RBFOX1: variants seen among roughly 807,000 people sequenced by gnomAD.
The protein encoded by RBFOX1 is RNA binding protein fox-1 homolog 1.
RBFOX1 carries 8 observed loss-of-function variants against 57.7 expected under a neutral mutation model. The observed-to-expected ratio is 0.14, with a 90% CI of 0.08 to 0.25. The LOEUF (loss-of-function observed/expected upper bound fraction) is 0.25, where lower values mean the gene tolerates loss of function less well. Among genes scored for constraint, RBFOX1 ranks in the 10% least tolerant of loss-of-function variants. The pLI, the probability that RBFOX1 is intolerant of heterozygous loss-of-function variation, is 1.00. For missense variants in RBFOX1, 611 were observed against 548.5 expected, an observed-to-expected ratio of 1.11 and a Z score of -1.14; for synonymous variants, 326 against 222.4, an observed-to-expected ratio of 1.47 and a Z score of -4.15.
At chr16:6,321,543 C>T (rs1371684863) in intron 2 of RBFOX1, among the ~76,000 whole-genome samples, 3 of 152,208 alleles carry the variant, frequency 2.0e-5, no homozygotes, top group African/African-American at 7.2e-5. Context: ...AATGCCACAG[C>T]ATTCATCTAT....
At chr16:5,477,688 A>G (rs1300790250) in intron 2 of RBFOX1, among the ~76,000 whole-genome samples, 4 of 152,284 alleles carry the variant, frequency 2.6e-5, no homozygotes, top group African/African-American at 9.6e-5. Context: ...GGGTGCATAT[A>G]ACACCAGTCT....
intron 1 of RBFOX1, among the ~76,000 whole-genome samples, chr16:6,240,645 C>A (rs1280648743): frequency 1.3e-5 from 2 of 151,760 alleles, no homozygotes; most frequent in Non-Finnish European, 2.9e-5. Flanking sequence ...CAGCTGCCCA[C>A]AATTATCACT....
intron 4 of RBFOX1, among the ~76,000 whole-genome samples, chr16:7,213,820 C>T (rs1239787384): frequency 6.6e-6 from 1 of 152,290 alleles, no homozygotes; most frequent in Admixed American, 6.5e-5. Flanking sequence ...TCTTAATAGA[C>T]TTCTCTGATG....
intron 4 of RBFOX1, among the ~76,000 whole-genome samples, chr16:7,431,635 C>T (rs191399882): frequency 2.0e-5 from 3 of 152,350 alleles, no homozygotes; most frequent in Admixed American, 2.0e-4. Context: ...ACCGCCATCA[C>T]TGTCCAGTTT....
intron 4 of RBFOX1, among the ~76,000 whole-genome samples, chr16:7,070,883 G>C (rs960962509): frequency 1.3e-5 from 2 of 152,178 alleles, no homozygotes; most frequent in African/African-American, 2.4e-5. Context: ...GCACTGACAA[G>C]ACTGTGGTTG....
intron 2 of RBFOX1, among the ~76,000 whole-genome samples, chr16:6,318,950 C>A (rs543474928): frequency 6.6e-6 from 1 of 151,914 alleles, no homozygotes; most frequent in South Asian, 2.1e-4. Flanking sequence ...CAGCAAACCT[C>A]AATCCCCTTC....
At chr16:6,051,722 C>T (rs937293918) in intron 1 of RBFOX1, among the ~76,000 whole-genome samples, 1 of 152,132 alleles carries the variant, frequency 6.6e-6, no homozygotes, top group Admixed American at 6.5e-5. Flanking sequence ...TGCCACCATG[C>T]CCAGCTAATT....
At chr16:6,109,245 C>G (rs910092498) in intron 1 of RBFOX1, among the ~76,000 whole-genome samples, 1 of 152,082 alleles carries the variant, frequency 6.6e-6, no homozygotes, top group African/African-American at 2.4e-5. Context: ...AAGAAAAATG[C>G]CTGCAGTGAA....
At chr16:5,853,210 T>A (rs1029160980) in intron 3 of RBFOX1, among the ~76,000 whole-genome samples, 1 of 152,028 alleles carries the variant, frequency 6.6e-6, no homozygotes, top group Non-Finnish European at 1.5e-5. Flanking sequence ...AGCCTTGCAT[T>A]TCAATGCCAG....
chr16:7,555,458 A>C (rs1311689219), intron 5 of RBFOX1, among the ~76,000 whole-genome samples: 1 of 152,210 alleles, frequency 6.6e-6, no homozygotes, highest in Non-Finnish European at 1.5e-5. Context: ...GGAAGCGGGG[A>C]AAAGGATATA....
At chr16:6,548,806 T>G (rs1346276893) in intron 2 of RBFOX1, among the ~76,000 whole-genome samples, 1 of 152,068 alleles carries the variant, frequency 6.6e-6, no homozygotes, top group East Asian at 2.0e-4. Context: ...CTGGGTGCAG[T>G]GGCTTGCGCC....
At chr16:6,404,568 G>T (rs2093204919) in intron 2 of RBFOX1, among the ~76,000 whole-genome samples, 1 of 152,206 alleles carries the variant, frequency 6.6e-6, no homozygotes, top group African/African-American at 2.4e-5. Context: ...TGAGTTATTA[G>T]TTTTTGATCC....
chr16:5,326,998 T>C (rs2064595168), intron 1 of RBFOX1, among the ~76,000 whole-genome samples: 1 of 152,234 alleles, frequency 6.6e-6, no homozygotes, highest in Admixed American at 6.5e-5. Flanking sequence ...GCAGAAGTTC[T>C]GCTTCAGGGA....
chr16:6,261,245 C>G lies in RBFOX1; in HGVS notation c.-126-55750C>G, dbSNP rs1034175492. Among the ~76,000 whole-genome samples, 7 of 152,342 alleles carry G rather than the reference C, an allele frequency of 4.6e-5. No individual in the cohort carries two copies. The East Asian group carries it at 1.4e-3, about 29-fold the overall frequency. ...CAATTGTTTCTTCCCTTCCAAAAAG[C>G]AGAAAAGTCCTGGCATATCCTCATT... On this transcript the variant is annotated intron_variant, in intron 1 of 15. Transcript: ENST00000550418.
chr16:6,921,180 T>C (rs1468561467), intron 3 of RBFOX1, among the ~76,000 whole-genome samples: 2 of 152,224 alleles, frequency 1.3e-5, no homozygotes, highest in Admixed American at 1.3e-4. Flanking sequence ...CTTAACTAAA[T>C]GCATGAGTTT....
chr16:5,376,950 C>T (rs914329995), intron 1 of RBFOX1, among the ~76,000 whole-genome samples: 1 of 151,492 alleles, frequency 6.6e-6, no homozygotes, highest in African/African-American at 2.5e-5. Context: ...GCACTGGCTT[C>T]CCTCCCTTCT....
At chr16:6,623,550 C>T (rs896371124) in intron 2 of RBFOX1, among the ~76,000 whole-genome samples, 2 of 151,766 alleles carry the variant, frequency 1.3e-5, no homozygotes, top group African/African-American at 4.8e-5. Flanking sequence ...CTCATTAACT[C>T]GTCATTTAAC....
At chr16:5,791,633 A>T (rs949836417) in intron 3 of RBFOX1, among the ~76,000 whole-genome samples, 2 of 152,214 alleles carry the variant, frequency 1.3e-5, no homozygotes, top group Admixed American at 6.5e-5. Flanking sequence ...CCAAGGTCAC[A>T]CTATAGCAAG....
At position 6,339,157 on chromosome 16, in the gene RBFOX1, C is replaced by T. The variant is rs925693118; in HGVS notation, c.-64+22100C>T. Among the ~76,000 whole-genome samples the T allele has an allele frequency of 3.3e-5, 5 of 152,182 alleles. No individual in the cohort carries two copies. In the East Asian group the frequency reaches 9.6e-4, roughly 29 times the overall value. On this transcript the variant is annotated intron_variant, in intron 2 of 15. Transcript: ENST00000550418. Reference sequence around the variant, plus strand: ...TATGGAATACTTACTGTATGCCAGGCACTGTGCTGCTGAGGAAGGCCAAGT... The same window carrying T: ...TATGGAATACTTACTGTATGCCAGGTACTGTGCTGCTGAGGAAGGCCAAGT...
Sources: gnomAD v4.1 joint callset for allele counts (sites outside exome capture counted in the v4.1 genomes callset) on GRCh38, gnomAD v4.1.1 for gene constraint, MANE v1.5 for transcripts, NCBI Gene and HGNC (gene_info 2026-07-23, HGNC 2026-07-21) for gene names.